EYS: variants seen among roughly 807,000 people sequenced by gnomAD.
The protein encoded by EYS is protein eyes shut homolog.
Under a neutral mutation model 282.1 loss-of-function variants are expected in EYS, and 250 were observed. That is an observed-to-expected ratio of 0.89 (90% CI 0.80 to 0.98). The LOEUF is 0.98. Among genes scored for constraint, EYS ranks in the 50% least tolerant of loss-of-function variants. The pLI, the probability that EYS is intolerant of heterozygous loss-of-function variation, is 0.00. For missense variants in EYS, 4,016 were observed against 3,709.0 expected (o/e 1.08, Z -2.15); for synonymous variants, 1,355 against 1,282.9 (o/e 1.06, Z -1.20).
At chr6:65,088,817 G>T (rs1172549343) in intron 12 of EYS, among the ~76,000 whole-genome samples, 1 of 152,128 alleles carries the variant, frequency 6.6e-6, no homozygotes. Flanking sequence ...TGGTTTCATG[G>T]GCCAGGCCCA....
chr6:65,540,911 C>A (rs571673112), intron 2 of EYS, among the ~76,000 whole-genome samples: 6 of 151,936 alleles, frequency 3.9e-5, no homozygotes, highest in Non-Finnish European at 7.4e-5. Context: ...GGCAACAGTG[C>A]GAGACTCTAT....
chr6:65,032,460 T>C (rs1178035966), intron 13 of EYS, among the ~76,000 whole-genome samples: 2 of 152,180 alleles, frequency 1.3e-5, no homozygotes, highest in African/African-American at 4.8e-5. Flanking sequence ...TGATGATGAA[T>C]GAGTTTGTAT....
At chr6:64,312,022 G>A (rs1192722727) in intron 29 of EYS, among the ~76,000 whole-genome samples, 1 of 145,748 alleles carries the variant, frequency 6.9e-6, no homozygotes, top group South Asian at 2.2e-4. Flanking sequence ...GAATGCCGGC[G>A]AGAAGGAAGC....
chr6:64,973,789 C>T (rs74363831), intron 14 of EYS, among the ~76,000 whole-genome samples: 22,578 of 151,822 alleles, frequency 0.15, 1,741 homozygotes, highest in East Asian at 0.23. Context: ...ATATTACCTG[C>T]ATTTTTCGTA....
chr6:64,048,688 A>T (rs1183559685), intron 33 of EYS, among the ~76,000 whole-genome samples: 3 of 143,912 alleles, frequency 2.1e-5, no homozygotes, highest in Non-Finnish European at 4.7e-5. Context: ...ATGTTCATCT[A>T]GTCATTTTTT....
intron 14 of EYS, among the ~76,000 whole-genome samples, chr6:64,993,106 G>A (rs574287245): frequency 5.9e-5 from 9 of 152,004 alleles, no homozygotes; most frequent in Non-Finnish European, 1.2e-4. Flanking sequence ...TATAGCAAAG[G>A]CTGTTCCCCA....
chr6:63,781,567 T>C (rs1313288511), intron 39 of EYS, among the ~76,000 whole-genome samples: 1 of 152,230 alleles, frequency 6.6e-6, no homozygotes. Context: ...TATTGGTGTA[T>C]AGGAATGCTT....
intron 26 of EYS, among the ~76,000 whole-genome samples, chr6:64,473,208 A>G (rs910813108): frequency 2.6e-5 from 4 of 152,130 alleles, no homozygotes; most frequent in Admixed American, 1.3e-4. Context: ...TGTATTTGGT[A>G]ACATTATGAG....
At chr6:64,618,543 T>C (rs9445045) in intron 23 of EYS, among the ~76,000 whole-genome samples, 50,788 of 152,040 alleles carry the variant, frequency 0.33, 9,118 homozygotes, top group East Asian at 0.5. Flanking sequence ...AATTATTGTT[T>C]ATACTTAGGA....
At chr6:63,741,831 A>T in intron 41 of EYS, 1 of 675,928 alleles carries the variant, frequency 1.5e-6, no homozygotes, top group Non-Finnish European at 2.7e-6. Context: ...TCCACAGCTC[A>T]TCTGACTCAA....
intron 1 of EYS, among the ~76,000 whole-genome samples, chr6:65,705,881 TTTG>T (rs1280503483): frequency 6.6e-6 from 1 of 152,046 alleles, no homozygotes; most frequent in Non-Finnish European, 1.5e-5. Context: ...AATTGCAATT[TTTG>T]TTGATAATAA....
rs113461467 is a variant in EYS, at chr6:64,680,721, C to T, written c.3444-54476G>A. Reference sequence around the variant, plus strand: ...CAGCAGGCCAAGAATATGTGGAGACCGATTACCTTAGCCCTAGTTTGCTTG... The same window carrying T: ...CAGCAGGCCAAGAATATGTGGAGACTGATTACCTTAGCCCTAGTTTGCTTG... On this transcript the variant is annotated intron_variant, in intron 22 of 42. Coordinates refer to ENST00000503581, the MANE Select transcript of EYS (RefSeq NM_001142800.2). Among the ~76,000 whole-genome samples the T allele has an allele frequency of 5.8e-3, 887 of 152,162 alleles. 3 individuals are homozygous for T. Among genetic ancestry groups the T allele is most frequent in the Non-Finnish European group, 9.9e-3 (676 of 68,010 alleles).
chr6:63,842,718 T>G (rs1489610382), intron 36 of EYS, among the ~76,000 whole-genome samples: 2 of 152,244 alleles, frequency 1.3e-5, no homozygotes, highest in African/African-American at 4.8e-5. Context: ...TAGGTTTTCT[T>G]CTAGAGTTTT....
intron 2 of EYS, among the ~76,000 whole-genome samples, chr6:65,591,095 C>G (rs1044403252): frequency 2.0e-5 from 3 of 152,106 alleles, no homozygotes; most frequent in African/African-American, 7.2e-5. Flanking sequence ...TTCCCACCAA[C>G]AGTGTGTGAA....
intron 31 of EYS, among the ~76,000 whole-genome samples, chr6:64,087,452 G>A (rs1772193231): frequency 6.6e-6 from 1 of 152,018 alleles, no homozygotes; most frequent in African/African-American, 2.4e-5. Context: ...TTGTCACCAG[G>A]AGCATTGAAA....
intron 29 of EYS, among the ~76,000 whole-genome samples, chr6:64,314,527 T>C (rs1272392774): frequency 6.6e-6 from 1 of 151,974 alleles, no homozygotes; most frequent in Non-Finnish European, 1.5e-5. Context: ...GACCATATAA[T>C]TGGAAGTAAA....
At chr6:65,443,399 T>TGTGTACACATATAGACATATATGCATGC (rs1768495592) in intron 5 of EYS, among the ~76,000 whole-genome samples, 2 of 150,368 alleles carry the variant, frequency 1.3e-5, no homozygotes, top group African/African-American at 4.9e-5. Context: ...TGCATACATG[T>TGTGTACACATATAGACATATATGCATGC]ATGTACACAT....
chr6:64,349,316 A>G (rs1047686045), intron 29 of EYS, among the ~76,000 whole-genome samples: 2 of 151,244 alleles, frequency 1.3e-5, no homozygotes, highest in African/African-American at 4.8e-5. Flanking sequence ...TATGTATTTT[A>G]GAGATATAAG....
intron 30 of EYS, among the ~76,000 whole-genome samples, chr6:64,293,286 C>T (rs1252667099): frequency 6.6e-6 from 1 of 151,952 alleles, no homozygotes; most frequent in Non-Finnish European, 1.5e-5. Flanking sequence ...TAGATAGTTA[C>T]CACAAATGTA....
Sources: allele counts gnomAD v4.1 joint callset (sites outside exome capture counted in the v4.1 genomes callset), GRCh38; gene constraint gnomAD v4.1.1; transcripts MANE v1.5; gene names NCBI Gene and HGNC (gene_info 2026-07-23, HGNC 2026-07-21).